Variants in SH3RF2 observed in about 807,000 individuals in gnomAD.
SH3RF2 encodes E3 ubiquitin-protein ligase SH3RF2.
A neutral mutation model predicts 59.0 loss-of-function variants in SH3RF2; 43 were observed. That is an observed-to-expected ratio of 0.73 (90% CI 0.57 to 0.94). The LOEUF is 0.94. Among genes scored for constraint, SH3RF2 ranks in the 40% least tolerant of loss-of-function variants. The probability of loss-of-function intolerance (pLI) is 0.00; values close to 1 mark genes in which losing one functional copy is unlikely to be tolerated. For missense variants in SH3RF2, 930 were observed against 940.1 expected, an observed-to-expected ratio of 0.99 and a Z score of 0.14; for synonymous variants, 391 against 391.5, an observed-to-expected ratio of 1.00 and a Z score of 0.01.
chr5:146,040,701 C>A (rs1429198078), intron 5 of SH3RF2, among the ~76,000 whole-genome samples: 1 of 152,162 alleles, frequency 6.6e-6, no homozygotes, highest in East Asian at 1.9e-4. Flanking sequence ...TAAATGAGTT[C>A]TCTATCTCAG....
chr5:146,023,219 T>C (rs1761396533), intron 5 of SH3RF2, among the ~76,000 whole-genome samples: 2 of 152,130 alleles, frequency 1.3e-5, no homozygotes, highest in African/African-American at 4.8e-5. Flanking sequence ...TTTTCTTTTT[T>C]CTTTTTTTAG....
chr5:145,954,939 A>G (rs1402035554), intron 2 of SH3RF2, among the ~76,000 whole-genome samples: 1 of 152,128 alleles, frequency 6.6e-6, no homozygotes, highest in Non-Finnish European at 1.5e-5. Flanking sequence ...TTAAATGACC[A>G]GAGGTGGGGG....
chr5:145,964,395 C>A (rs1417588575), intron 2 of SH3RF2, among the ~76,000 whole-genome samples: 2 of 151,224 alleles, frequency 1.3e-5, no homozygotes, highest in Non-Finnish European at 2.9e-5. Flanking sequence ...CAACCTCCAC[C>A]TCCTGGATTC....
chr5:146,028,904 C>T (rs1761640318), intron 5 of SH3RF2, among the ~76,000 whole-genome samples: 6 of 152,164 alleles, frequency 3.9e-5, no homozygotes, highest in Admixed American at 3.9e-4. Flanking sequence ...CGCCAAAACA[C>T]GAACGCGCTC....
chr5:146,046,049 A>G (rs544984949), intron 5 of SH3RF2, among the ~76,000 whole-genome samples: 3 of 152,324 alleles, frequency 2.0e-5, no homozygotes, highest in Admixed American at 6.5e-5. Flanking sequence ...TCACAATTAC[A>G]TACATGACCA....
intron 2 of SH3RF2, among the ~76,000 whole-genome samples, chr5:145,966,764 G>A (rs1424807870): frequency 6.6e-6 from 1 of 152,238 alleles, no homozygotes; most frequent in Non-Finnish European, 1.5e-5. Context: ...ATTCATGCCT[G>A]TAATCCCAGC....
chr5:146,067,231 G>A (rs1370125503), downstream of SH3RF2, among the ~76,000 whole-genome samples: 1 of 152,178 alleles, frequency 6.6e-6, no homozygotes, highest in Non-Finnish European at 1.5e-5. Flanking sequence ...CCTCCAGTGT[G>A]TCTTGAAAAG....
chr5:145,958,526 A>T (rs1243912073), intron 2 of SH3RF2, among the ~76,000 whole-genome samples: 3 of 152,204 alleles, frequency 2.0e-5, no homozygotes, highest in African/African-American at 7.2e-5. Flanking sequence ...CAAGTTTATC[A>T]CAGGTTTTCT....
chr5:146,043,637 TC>T (rs1236980378), intron 5 of SH3RF2: 5 of 152,254 alleles, frequency 3.3e-5, no homozygotes, highest in Non-Finnish European at 7.3e-5. Context: ...CAATCCTGTC[TC>T]CCCACCCTGG....
Position 146,063,047 on chromosome 5 carries a change from G to T in SH3RF2, c.*346G>T, listed in dbSNP as rs1365198438. 1 of 265,874 alleles carries T rather than the reference G, an allele frequency of 3.8e-6. No homozygotes were observed. Among genetic ancestry groups the T allele is most frequent in the African/African-American group, 2.2e-5 (1 of 45,028 alleles). 16.5% of individuals were successfully genotyped at this position (265,874 alleles called of 1,614,324 possible). A position where few individuals can be genotyped will look rare whatever the true frequency, so the allele number is the denominator to read the frequency against. On this transcript the variant is annotated 3_prime_UTR_variant, in exon 10 of 10. Transcript: ENST00000359120. ...GTAGAATTTCTATGGTGTCCTAAAG[G>T]GGGCTGCAGCAGGGGTGTGACAACG...
chr5:146,041,699 G>A (rs368167749), intron 5 of SH3RF2, among the ~76,000 whole-genome samples: 9 of 152,148 alleles, frequency 5.9e-5, no homozygotes, highest in African/African-American at 2.2e-4. Flanking sequence ...TTGGGAGGCC[G>A]AGGACGTATC....
At chr5:146,013,204 G>T (rs1045293998) in intron 4 of SH3RF2, among the ~76,000 whole-genome samples, 7 of 152,156 alleles carry the variant, frequency 4.6e-5, no homozygotes, top group Admixed American at 2.6e-4. Flanking sequence ...CTACTCTGGG[G>T]TACAGGAGAG....
intron 6 of SH3RF2, 56 bp downstream of exon 6, chr5:146,047,919 C>G: frequency 6.6e-7 from 1 of 1,518,798 alleles, no homozygotes; most frequent in Non-Finnish European, 9.1e-7. Context: ...GTCATCTTTA[C>G]CATGTACAGT....
At chr5:146,068,563 C>T (rs914755625) in intron 9 of SH3RF2, among the ~76,000 whole-genome samples, 1 of 152,214 alleles carries the variant, frequency 6.6e-6, no homozygotes, top group Non-Finnish European at 1.5e-5. Context: ...CAGGACCAAA[C>T]CAGAGACGTT....
At chr5:146,000,429 T>A (rs1760363344) in intron 3 of SH3RF2, 102 bp downstream of exon 3, 1 of 963,120 alleles carries the variant, frequency 1.0e-6, no homozygotes, top group Non-Finnish European at 1.4e-6. Context: ...AAATTGTATT[T>A]TAAATATATT....
chr5:146,069,647 C>A (rs1408418253), intron 9 of SH3RF2, among the ~76,000 whole-genome samples: 2 of 152,202 alleles, frequency 1.3e-5, no homozygotes, highest in Non-Finnish European at 2.9e-5. Context: ...AATCTCGGCT[C>A]ACTGCACCCT....
At chr5:145,993,931 A>G (rs1760050111) in intron 2 of SH3RF2, among the ~76,000 whole-genome samples, 1 of 152,176 alleles carries the variant, frequency 6.6e-6, no homozygotes, top group South Asian at 2.1e-4. Flanking sequence ...TTTCTATCAC[A>G]TTGTCAGACT....
At chr5:146,026,950 CTGT>C (rs1191699475) in intron 5 of SH3RF2, among the ~76,000 whole-genome samples, 3 of 152,188 alleles carry the variant, frequency 2.0e-5, no homozygotes, top group Admixed American at 6.5e-5. Flanking sequence ...AATGTTCACT[CTGT>C]TGTTATTATT....
At chr5:146,029,163 T>A (rs561701527) in intron 5 of SH3RF2, among the ~76,000 whole-genome samples, 1 of 152,322 alleles carries the variant, frequency 6.6e-6, no homozygotes, top group South Asian at 2.1e-4. Context: ...CTGTGAGTAT[T>A]GTTAATCGTT....
Sources: allele counts gnomAD v4.1 joint callset (sites outside exome capture counted in the v4.1 genomes callset), GRCh38; gene constraint gnomAD v4.1.1; transcripts MANE v1.5; gene names NCBI Gene and HGNC (gene_info 2026-07-23, HGNC 2026-07-21).